C1QTNF3: variants seen among roughly 807,000 people sequenced by gnomAD.
The protein encoded by C1QTNF3 is complement C1q tumor necrosis factor-related protein 3.
Under a neutral mutation model 32.6 loss-of-function variants are expected in C1QTNF3, and 26 were observed. That is an observed-to-expected ratio of 0.80 (90% confidence interval 0.58 to 1.11). The LOEUF (loss-of-function observed/expected upper bound fraction) is 1.11, where lower values mean the gene tolerates loss of function less well. C1QTNF3 is among the 50% of genes least tolerant of loss of function. The pLI, the probability that C1QTNF3 is intolerant of heterozygous loss-of-function variation, is 0.00. For missense variants in C1QTNF3, 362 were observed against 398.2 expected (o/e 0.91, Z 0.77); for synonymous variants, 155 against 146.0 (o/e 1.06, Z -0.44).
At chr5:34,135,634 CA>C in the C1QTNF3 span, among the ~76,000 whole-genome samples, 2 of 150,208 alleles carry the variant, frequency 1.3e-5, no homozygotes, top group African/African-American at 4.9e-5. Flanking sequence ...CATATGAAAC[CA>C]AAAAGGAGCC....
chr5:34,123,614 C>G, the C1QTNF3 span, among the ~76,000 whole-genome samples: 1 of 117,470 alleles, frequency 8.5e-6, no homozygotes, highest in Non-Finnish European at 1.9e-5. Flanking sequence ...GACAGCAGAA[C>G]AGATATGCTT....
chr5:34,165,131 G>C, the C1QTNF3 span: 1 of 152,178 alleles, frequency 6.6e-6, no homozygotes, highest in African/African-American at 2.4e-5. Flanking sequence ...ACTCCAGGCT[G>C]TCTGGCCTTG....
chr5:34,148,293 T>C, the C1QTNF3 span, among the ~76,000 whole-genome samples: 7 of 132,132 alleles, frequency 5.3e-5, no homozygotes, highest in South Asian at 2.9e-4. Context: ...GCGCCCGCCA[T>C]TGCCCAGGCT....
chr5:34,033,502 A>C (rs754594630), intron 2 of C1QTNF3, 44 bp from the exon 3 acceptor site: 1 of 1,612,246 alleles, frequency 6.2e-7, no homozygotes. Flanking sequence ...CCAGTCACTC[A>C]TACTTACCAT....
chr5:34,202,700 T>C, the C1QTNF3 span, among the ~76,000 whole-genome samples: 1 of 152,232 alleles, frequency 6.6e-6, no homozygotes, highest in African/African-American at 2.4e-5. Context: ...ATGTACATTG[T>C]ATTATTTTGT....
At chr5:34,147,992 T>C in the C1QTNF3 span, among the ~76,000 whole-genome samples, 2 of 151,934 alleles carry the variant, frequency 1.3e-5, no homozygotes, top group Non-Finnish European at 2.9e-5. Flanking sequence ...CAGGCCAGTG[T>C]GTGTGCGCAC....
the C1QTNF3 span, among the ~76,000 whole-genome samples, chr5:34,066,360 T>A: frequency 2.0e-5 from 3 of 152,216 alleles, no homozygotes; most frequent in Non-Finnish European, 4.4e-5. Flanking sequence ...AGCTACCTAC[T>A]GTATCAAAAT....
At chr5:34,144,234 T>C in the C1QTNF3 span, among the ~76,000 whole-genome samples, 249 of 152,320 alleles carry the variant, frequency 1.6e-3, no homozygotes, top group Non-Finnish European at 2.7e-3. Flanking sequence ...CTTAAATATA[T>C]ATGCACCCAA....
chr5:34,130,148 C>CAT, the C1QTNF3 span, among the ~76,000 whole-genome samples: 5,905 of 151,776 alleles, frequency 0.039, 301 homozygotes, highest in African/African-American at 0.11. Context: ...CACACACACA[C>CAT]ACATACATAC....
the C1QTNF3 span, among the ~76,000 whole-genome samples, chr5:34,177,128 G>A: frequency 2.0e-5 from 3 of 152,092 alleles, no homozygotes; most frequent in African/African-American, 4.8e-5. Context: ...AGGAGGTTGA[G>A]CAGTGAGCTG....
chr5:34,142,149 C>A, the C1QTNF3 span, among the ~76,000 whole-genome samples: 1 of 152,092 alleles, frequency 6.6e-6, no homozygotes, highest in Non-Finnish European at 1.5e-5. Context: ...GAAACAGAGG[C>A]AGCTGGGCGC....
the C1QTNF3 span, among the ~76,000 whole-genome samples, chr5:34,233,107 T>C: frequency 6.6e-6 from 1 of 151,652 alleles, no homozygotes; most frequent in African/African-American, 2.4e-5. Flanking sequence ...CCTTCCACAG[T>C]GCCAGCTAAA....
chr5:34,072,371 G>GAGAAAGAAAGAAAGAAAGAAAGAA, the C1QTNF3 span, among the ~76,000 whole-genome samples: 11 of 117,684 alleles, frequency 9.3e-5, no homozygotes, highest in Admixed American at 1.8e-4. Context: ...AAAAAAGAAA[G>GAGAAAGAAAGAAAGAAAGAAAGAA]AGAAAGAAAG....
the C1QTNF3 span, among the ~76,000 whole-genome samples, chr5:34,178,136 G>A: frequency 1.4e-5 from 2 of 147,960 alleles, no homozygotes; most frequent in East Asian, 2.0e-4. Flanking sequence ...AAAAAATTAG[G>A]TGAGCATGGT....
the C1QTNF3 span, among the ~76,000 whole-genome samples, chr5:34,109,825 A>G: frequency 6.6e-6 from 1 of 152,280 alleles, no homozygotes; most frequent in African/African-American, 2.4e-5. Flanking sequence ...ATTGATACAG[A>G]CTGTTTTCTG....
chr5:34,118,564 ATTTT>A, the C1QTNF3 span, among the ~76,000 whole-genome samples: 2 of 150,706 alleles, frequency 1.3e-5, no homozygotes, highest in African/African-American at 4.9e-5. Context: ...TTGCTGACAG[ATTTT>A]TTTTTGGCTG....
chr5:34,094,039 C>T, the C1QTNF3 span, among the ~76,000 whole-genome samples: 1,882 of 152,224 alleles, frequency 0.012, 21 homozygotes, highest in South Asian at 0.029. Context: ...ACCAGGATGC[C>T]CAGAAAACAC....
the C1QTNF3 span, among the ~76,000 whole-genome samples, chr5:34,172,457 A>G: frequency 2.0e-5 from 3 of 151,762 alleles, no homozygotes; most frequent in South Asian, 6.3e-4. Context: ...GGCGGGGGGA[A>G]CTAAACATGC....
At chr5:34,217,145 T>G in the C1QTNF3 span, among the ~76,000 whole-genome samples, 10 of 152,180 alleles carry the variant, frequency 6.6e-5, no homozygotes, top group African/African-American at 2.4e-4. Context: ...TTTTCATGCA[T>G]AGTCTGCAAC....
Sources: allele counts gnomAD v4.1 joint callset (sites outside exome capture counted in the v4.1 genomes callset), GRCh38; gene constraint gnomAD v4.1.1; transcripts MANE v1.5; gene names NCBI Gene and HGNC (gene_info 2026-07-23, HGNC 2026-07-21).